FOXP4: variants seen among roughly 807,000 people sequenced by gnomAD.
FOXP4 encodes forkhead box protein P4.
Under a neutral mutation model 82.6 loss-of-function variants are expected in FOXP4, and 25 were observed. The ratio of observed to expected loss-of-function variants is 0.30; its 90% CI spans 0.22 to 0.42. The LOEUF is 0.42. Among genes scored for constraint, FOXP4 ranks in the 10% least tolerant of loss-of-function variants. The pLI, the probability that FOXP4 is intolerant of heterozygous loss-of-function variation, is 1.00. For missense variants in FOXP4, 785 were observed against 900.9 expected (o/e 0.87, Z 1.65); for synonymous variants, 415 against 388.2 (o/e 1.07, Z -0.81).
intron 15 of FOXP4, 125 bp from the exon 16 acceptor site, chr6:41,597,655 TC>T (rs1217703885): frequency 1.0e-5 from 13 of 1,240,324 alleles, no homozygotes; most frequent in African/African-American, 3.0e-5. Flanking sequence ...CCCAGACAGA[TC>T]CGCCCGTGGG....
chr6:41,554,540 C>T (rs1306669782), intron 1 of FOXP4, among the ~76,000 whole-genome samples: 1 of 152,146 alleles, frequency 6.6e-6, no homozygotes, highest in Non-Finnish European at 1.5e-5. Flanking sequence ...CAAGGAGAAT[C>T]TAGTGTGGGA....
At position 41,590,474 on chromosome 6, in the gene FOXP4, G is replaced by A. The variant is rs928880223; in HGVS notation, c.1434+127G>A. ...GGAGCTGTCCCGCTCCCTCTCACGTGGCGGTCTTCCCTCTCTGCTGTGCGG... is the reference window on the plus strand; with the variant it reads ...GGAGCTGTCCCGCTCCCTCTCACGTAGCGGTCTTCCCTCTCTGCTGTGCGG... On this transcript the variant is annotated intron_variant, in intron 12 of 16. Coordinates refer to ENST00000307972, the MANE Select transcript of FOXP4 (RefSeq NM_001012426.2). 21 of 994,270 alleles carry A rather than the reference G, an allele frequency of 2.1e-5. 1 individual carries two copies. Among genetic ancestry groups the A allele is most frequent in the African/African-American group, 8.1e-5 (5 of 61,750 alleles). The allele number at this position is 994,270 out of a possible 1,614,324, so 61.6% of individuals were successfully genotyped here.
chr6:41,573,007 T>C (rs1027295712), intron 2 of FOXP4, among the ~76,000 whole-genome samples: 3 of 152,332 alleles, frequency 2.0e-5, no homozygotes, highest in African/African-American at 7.2e-5. Context: ...TGAAAAATAC[T>C]GGACTAGATA....
intron 15 of FOXP4, 31 bp from the exon 16 acceptor site, chr6:41,597,750 A>G: frequency 1.9e-6 from 3 of 1,597,776 alleles, no homozygotes; most frequent in Non-Finnish European, 2.5e-6. Context: ...CTGTGGAGCC[A>G]CTGACGAGGC....
At chr6:41,585,026 C>G in intron 4 of FOXP4, 135 bp downstream of exon 4, 1 of 1,259,010 alleles carries the variant, frequency 7.9e-7, no homozygotes, top group Non-Finnish European at 1.1e-6. Context: ...GATCTGCATT[C>G]CTCTAGGGTA....
rs372064275 is a variant in FOXP4 at position 41,598,951 on chromosome 6, C to T, written c.*15C>T. 1.5e-5 allele frequency: 24 copies of T among 1,572,422 alleles called. No individual in the cohort carries two copies. The highest frequency in any genetic ancestry group is 9.5e-5 in the African/African-American group (7 of 73,648). On this transcript the variant is annotated 3_prime_UTR_variant, in exon 17 of 17. Coordinates refer to ENST00000307972, the MANE Select transcript of FOXP4 (RefSeq NM_001012426.2). ...AACTGTCCTAAGGGCCTGTAGTGAC[C>T]GGCAGGGCTGGGGTGAGACCCCTCC...
At chr6:41,587,970 C>T in intron 8 of FOXP4, 73 bp downstream of exon 8, 2 of 788,754 alleles carry the variant, frequency 2.5e-6, no homozygotes, top group Non-Finnish European at 2.2e-6. Context: ...TGCCCACTAG[C>T]TTGCCCCTTC....
At position 41,599,004 on chromosome 6, in the gene FOXP4, C is replaced by T; in HGVS notation, c.*68C>T. The T allele has an allele frequency of 2.7e-6, 4 of 1,463,412 alleles. No homozygotes were observed. Among genetic ancestry groups the T allele is most frequent in the Non-Finnish European group, 3.6e-6 (4 of 1,106,652 alleles). The allele number at this position is 1,463,412 out of a possible 1,614,324, so 90.7% of individuals were successfully genotyped here. ...TCCAGAATCCAGGCCCCATCTCCCCCAACTCCACAGCCCCTCCCGAGCCTC... is the reference window on the plus strand; with the variant it reads ...TCCAGAATCCAGGCCCCATCTCCCCTAACTCCACAGCCCCTCCCGAGCCTC... On this transcript the variant is annotated 3_prime_UTR_variant, in exon 17 of 17. Coordinates refer to ENST00000307972, the MANE Select transcript of FOXP4 (RefSeq NM_001012426.2).
At chr6:41,555,173 G>A (rs1764205190) in intron 1 of FOXP4, among the ~76,000 whole-genome samples, 1 of 151,850 alleles carries the variant, frequency 6.6e-6, no homozygotes, top group Non-Finnish European at 1.5e-5. Context: ...TTAAGCCAAG[G>A]AGGAAAGGTT....
intron 1 of FOXP4, among the ~76,000 whole-genome samples, chr6:41,563,405 G>T (rs775279752): frequency 2.0e-5 from 3 of 152,194 alleles, no homozygotes; most frequent in South Asian, 2.1e-4. Context: ...AGGAACTAGA[G>T]AAATCACAGT....
intron 5 of FOXP4, among the ~76,000 whole-genome samples, chr6:41,586,778 G>A (rs1347150259): frequency 6.6e-6 from 1 of 152,170 alleles, no homozygotes; most frequent in Non-Finnish European, 1.5e-5. Context: ...GGGTCTGGCT[G>A]TGTGTGTTTG....
chr6:41,552,995 T>C (rs1423366856), intron 1 of FOXP4, among the ~76,000 whole-genome samples: 2 of 152,086 alleles, frequency 1.3e-5, no homozygotes, highest in African/African-American at 4.8e-5. Context: ...CAGCCCCACA[T>C]CCTCGGGCTC....
At chr6:41,564,782 G>A (rs1441547214) in intron 1 of FOXP4, among the ~76,000 whole-genome samples, 1 of 152,198 alleles carries the variant, frequency 6.6e-6, no homozygotes, top group Non-Finnish European at 1.5e-5. Flanking sequence ...CTAGGCTGAG[G>A]GCTTTAAAAT....
intron 1 of FOXP4, 83 bp downstream of exon 1, chr6:41,546,950 C>G (rs1487987083): frequency 3.3e-5 from 5 of 151,304 alleles, no homozygotes. Context: ...CACTCTCTCG[C>G]CCGCTCGCTG....
intron 1 of FOXP4, among the ~76,000 whole-genome samples, chr6:41,554,216 C>A (rs1764156551): frequency 6.6e-6 from 1 of 152,202 alleles, no homozygotes; most frequent in Non-Finnish European, 1.5e-5. Flanking sequence ...CTGGAACTTG[C>A]CTTTCTGAAA....
At chr6:41,585,734 G>C (rs1404632031) in intron 5 of FOXP4, among the ~76,000 whole-genome samples, 1 of 152,028 alleles carries the variant, frequency 6.6e-6, no homozygotes, top group Admixed American at 6.5e-5. Flanking sequence ...TCCTTGCCTC[G>C]TGTTGTTGTC....
chr6:41,568,331 C>A (rs1764998601), intron 2 of FOXP4, among the ~76,000 whole-genome samples: 1 of 152,142 alleles, frequency 6.6e-6, no homozygotes, highest in Admixed American at 6.5e-5. Flanking sequence ...TCCAGTTTCA[C>A]AGATGAGACA....
At chr6:41,550,110 T>C (rs1034259234) in intron 1 of FOXP4, among the ~76,000 whole-genome samples, 2 of 152,128 alleles carry the variant, frequency 1.3e-5, no homozygotes, top group African/African-American at 4.8e-5. Context: ...CCTCCTCAGA[T>C]TTGGTTCCAG....
At chr6:41,584,703 GC>G (rs1470804582) in intron 3 of FOXP4, 65 bp from the exon 4 acceptor site, 22 of 1,501,880 alleles carry the variant, frequency 1.5e-5, no homozygotes, top group Non-Finnish European at 2.0e-5. Context: ...TGAGAGTGGG[GC>G]CCTGGGTGGT....
Sources: allele counts gnomAD v4.1 joint callset (sites outside exome capture counted in the v4.1 genomes callset), GRCh38; gene constraint gnomAD v4.1.1; transcripts MANE v1.5; gene names NCBI Gene and HGNC (gene_info 2026-07-23, HGNC 2026-07-21).